Variants in FILIP1 observed in about 807,000 individuals in gnomAD.
FILIP1 encodes the protein filamin A interacting protein 1, also known as filamin-A-interacting protein 1.
Under a neutral mutation model 102.1 loss-of-function variants are expected in FILIP1, and 61 were observed. The observed-to-expected ratio is 0.60, with a 90% CI of 0.49 to 0.74. The LOEUF (loss-of-function observed/expected upper bound fraction) is 0.74. Among genes scored for constraint, FILIP1 ranks in the 30% least tolerant of loss-of-function variants. FILIP1 has a pLI of 0.00. For missense variants in FILIP1, 1,314 were observed against 1,441.2 expected, an observed-to-expected ratio of 0.91 and a Z score of 1.43; for synonymous variants, 491 against 526.9, an observed-to-expected ratio of 0.93 and a Z score of 0.93.
At chr6:75,367,370 T>C (rs992895218) in intron 2 of FILIP1, 1 of 152,256 alleles carries the variant, frequency 6.6e-6, no homozygotes, top group Non-Finnish European at 1.5e-5. Flanking sequence ...GTGTGGTAGC[T>C]CACACCTGTA....
intron 1 of FILIP1, among the ~76,000 whole-genome samples, chr6:75,452,812 AT>A (rs1220164866): frequency 6.6e-6 from 1 of 152,096 alleles, no homozygotes; most frequent in Non-Finnish European, 1.5e-5. Flanking sequence ...CTTTATACTT[AT>A]TTTTTCCCAA....
At chr6:75,440,945 CAAAAA>C (rs200327100) in intron 1 of FILIP1, among the ~76,000 whole-genome samples, 1 of 60,742 alleles carries the variant, frequency 1.6e-5, no homozygotes, top group African/African-American at 6.0e-5. Context: ...AGCGACGTCT[CAAAAA>C]AAAAAAAAAA....
chr6:75,431,532 G>A (rs1777822436), intron 1 of FILIP1, among the ~76,000 whole-genome samples: 1 of 152,110 alleles, frequency 6.6e-6, no homozygotes, highest in Admixed American at 6.6e-5. Flanking sequence ...AACATAAATT[G>A]AGAATTGCTT....
intron 1 of FILIP1, among the ~76,000 whole-genome samples, chr6:75,451,406 G>C (rs1320098421): frequency 6.6e-6 from 1 of 151,340 alleles, no homozygotes; most frequent in Non-Finnish European, 1.5e-5. Flanking sequence ...GTATCAACAG[G>C]TGATTCCCAA....
intron 2 of FILIP1, among the ~76,000 whole-genome samples, chr6:75,366,239 T>C (rs894407174): frequency 6.6e-6 from 1 of 152,196 alleles, no homozygotes; most frequent in Non-Finnish European, 1.5e-5. Flanking sequence ...TCTGAAAAAG[T>C]GTTTGTCCTT....
At chr6:75,385,842 T>A (rs759895789) in intron 2 of FILIP1, among the ~76,000 whole-genome samples, 14 of 129,112 alleles carry the variant, frequency 1.1e-4, no homozygotes, top group Non-Finnish European at 1.2e-4. Context: ...CCCCTTAGGA[T>A]TTTTTTTTTT....
chr6:75,446,839 A>G (rs1778458357), intron 1 of FILIP1, among the ~76,000 whole-genome samples: 1 of 152,098 alleles, frequency 6.6e-6, no homozygotes, highest in Non-Finnish European at 1.5e-5. Context: ...GGGGAGTTGG[A>G]TTTTTTACAC....
At chr6:75,417,419 T>A (rs1398338180) in intron 1 of FILIP1, among the ~76,000 whole-genome samples, 1 of 152,200 alleles carries the variant, frequency 6.6e-6, no homozygotes, top group Non-Finnish European at 1.5e-5. Context: ...GGAATTAGCA[T>A]CTATGAGGAA....
chr6:75,368,493 T>G (rs1197961080), intron 2 of FILIP1, among the ~76,000 whole-genome samples: 1 of 152,192 alleles, frequency 6.6e-6, no homozygotes, highest in Non-Finnish European at 1.5e-5. Context: ...TCTGGAGAGA[T>G]ATAAACAAAC....
chr6:75,463,363 T>C (rs971224424), intron 1 of FILIP1, among the ~76,000 whole-genome samples: 13 of 152,268 alleles, frequency 8.5e-5, no homozygotes, highest in Admixed American at 2.0e-4. Context: ...TATAACCTAA[T>C]TGATTACCGT....
At chr6:75,345,609 C>T (rs536353925) in intron 4 of FILIP1, among the ~76,000 whole-genome samples, 4 of 152,180 alleles carry the variant, frequency 2.6e-5, no homozygotes, top group Non-Finnish European at 4.4e-5. Context: ...CAGCCTTTTC[C>T]GTGCGCTATG....
intron 1 of FILIP1, among the ~76,000 whole-genome samples, chr6:75,462,280 G>C (rs1779044428): frequency 1.3e-5 from 2 of 152,116 alleles, no homozygotes; most frequent in Admixed American, 6.6e-5. Flanking sequence ...AGTTTCTGAG[G>C]ATGCCAGCTA....
At position 75,308,873 on chromosome 6, in the gene FILIP1, G is replaced by A. The variant is rs369386052; in HGVS notation, c.3460C>T (p.Arg1154Trp). ...SVSGQDGSSQ[R>W]PTPTRIPMSK... is the part of the protein sequence containing the mutation. ...ATAGGAATGCGGGTGGGTGTAGGCC[G>A]CTGGGATGACCCGTCTTGTCCTGAC... is the stretch of plus-strand genomic sequence containing the variant. The change falls in exon 6 of 6, where the codon CGG (arginine) becomes TGG (tryptophan). Residue 1154 changes from arginine to tryptophan, a missense_variant. Physicochemically the swap from Arg to Trp is moderately radical, Grantham distance 101. Around this residue, in one of 3 missense-constraint regions of FILIP1, gnomAD observed 816 missense variants for 913.1 expected, o/e 0.89. Transcript: ENST00000237172. 1.3e-5 allele frequency: 21 copies of A among 1,613,924 alleles called. No homozygotes were observed. The highest frequency in any genetic ancestry group is 1.7e-5 in the Admixed American group (1 of 59,990).
At chr6:75,492,347 A>T (rs1394861179) in intron 1 of FILIP1, among the ~76,000 whole-genome samples, 1 of 152,220 alleles carries the variant, frequency 6.6e-6, no homozygotes, top group Admixed American at 6.5e-5. Context: ...CTTTCTTTAC[A>T]TTGATAGAAT....
chr6:75,441,974 G>T (rs1399209187), intron 1 of FILIP1, among the ~76,000 whole-genome samples: 1 of 151,256 alleles, frequency 6.6e-6, no homozygotes, highest in African/African-American at 2.4e-5. Context: ...GCTGCGGGGC[G>T]GAGACGCTCC....
At chr6:75,386,184 C>A (rs1776090271) in intron 2 of FILIP1, 1 of 152,252 alleles carries the variant, frequency 6.6e-6, no homozygotes, top group East Asian at 1.9e-4. Context: ...TGGTCAGGAA[C>A]CTTCTCTGAG....
intron 1 of FILIP1, among the ~76,000 whole-genome samples, chr6:75,438,489 G>A (rs1778097667): frequency 6.6e-6 from 1 of 152,162 alleles, no homozygotes; most frequent in African/African-American, 2.4e-5. Context: ...TAGCTTTGGT[G>A]TAACTGCCAT....
chr6:75,484,085 T>G (rs1453995965), intron 1 of FILIP1, among the ~76,000 whole-genome samples: 4 of 152,186 alleles, frequency 2.6e-5, no homozygotes, highest in Non-Finnish European at 5.9e-5. Flanking sequence ...CTTGCTTTAC[T>G]TCTTTTTCCA....
At chr6:75,435,268 T>G (rs1777980230) in intron 1 of FILIP1, among the ~76,000 whole-genome samples, 1 of 152,256 alleles carries the variant, frequency 6.6e-6, no homozygotes, top group African/African-American at 2.4e-5. Context: ...TTCTGGCTGT[T>G]GATTTTTTTC....
Sources: gnomAD v4.1 joint callset for allele counts (sites outside exome capture counted in the v4.1 genomes callset) on GRCh38, gnomAD v4.1.1 for gene constraint, gnomAD v4.1.1 regional missense constraint, MANE v1.5 for transcripts, NCBI Gene and HGNC (gene_info 2026-07-23, HGNC 2026-07-21) for gene names.